Variants in EXTL2 observed in about 807,000 individuals in gnomAD.
The protein encoded by EXTL2 is exostosin-like 2.
In EXTL2, 23 loss-of-function variants were observed where a neutral mutation model predicts 30.7. That is an observed-to-expected ratio of 0.75 (90% CI 0.54 to 1.06). EXTL2 has a LOEUF of 1.06. EXTL2 is among the 50% of genes least tolerant of loss of function. The probability of loss-of-function intolerance (pLI) is 0.00; values close to 1 mark genes in which losing one functional copy is unlikely to be tolerated. For missense variants in EXTL2, 352 were observed against 396.3 expected, an observed-to-expected ratio of 0.89 and a Z score of 0.95; for synonymous variants, 123 against 133.8, an observed-to-expected ratio of 0.92 and a Z score of 0.56.
At chr1:100,878,231 C>T (rs1250287230) in intron 2 of EXTL2, among the ~76,000 whole-genome samples, 1 of 149,762 alleles carries the variant, frequency 6.7e-6, no homozygotes, top group Non-Finnish European at 1.5e-5. Flanking sequence ...ATTTTATTTC[C>T]CTTAGTAATA....
rs969324744 is a variant in EXTL2 at position 100,872,530 on chromosome 1, T to A, written c.*1412A>T. ...TTCTTTGTTTTTGTTTTTTACAATCTGACTGCATTAAGACACATATACTCT... is the reference window on the plus strand; with the variant it reads ...TTCTTTGTTTTTGTTTTTTACAATCAGACTGCATTAAGACACATATACTCT... On this transcript the variant is annotated 3_prime_UTR_variant, in exon 5 of 5. Transcript: ENST00000370114. 1 of 152,428 alleles carries A rather than the reference T, an allele frequency of 6.6e-6. No individual in the cohort carries two copies. The highest frequency in any genetic ancestry group is 2.4e-5 in the African/African-American group (1 of 41,418). The allele number at this position is 152,428 out of a possible 1,614,324, so 9.4% of individuals were successfully genotyped here. A position where few individuals can be genotyped will look rare whatever the true frequency, so the allele number is the denominator to read the frequency against.
At chr1:100,882,108 C>A (rs1373619903) in intron 2 of EXTL2, among the ~76,000 whole-genome samples, 1 of 152,224 alleles carries the variant, frequency 6.6e-6, no homozygotes, top group East Asian at 1.9e-4. Flanking sequence ...CCCCACCACC[C>A]ATCCATGGAA....
rs967515136 is a variant in EXTL2, at chr1:100,881,053, T to G, written c.6-3150A>C. 9.8e-5 allele frequency: 96 copies of G among 983,784 alleles called. No homozygotes were observed. The highest frequency in any genetic ancestry group is 1.2e-4 in the Non-Finnish European group (96 of 828,548). 60.9% of individuals were successfully genotyped at this position (983,784 alleles called of 1,614,324 possible). ...TAGCTCCTAATCCCCCAATTTTACC[T>G]GTATCAGAAAGGTTTCAGGAGATAT... On this transcript the variant is annotated intron_variant, in intron 2 of 4. Transcript: ENST00000370114.
chr1:100,888,731 G>A, intron 2 of EXTL2, 22 bp downstream of exon 2: 1 of 1,448,070 alleles, frequency 6.9e-7, no homozygotes, highest in South Asian at 1.2e-5. Context: ...TTAAACAAAA[G>A]CCAAAAAATA....
At chr1:100,884,361 A>AG (rs1376832668) in intron 2 of EXTL2, among the ~76,000 whole-genome samples, 1 of 152,204 alleles carries the variant, frequency 6.6e-6, no homozygotes, top group Non-Finnish European at 1.5e-5. Flanking sequence ...TGCTCAGAAA[A>AG]GGGGCCTCAG....
intron 2 of EXTL2, chr1:100,878,347 T>G: frequency 2.2e-6 from 1 of 459,938 alleles, no homozygotes; most frequent in Non-Finnish European, 4.5e-6. Context: ...GGTGTATTAC[T>G]TACCAGCCCT....
intron 2 of EXTL2, among the ~76,000 whole-genome samples, chr1:100,879,148 G>A (rs780958492): frequency 6.6e-6 from 1 of 152,078 alleles, no homozygotes; most frequent in Non-Finnish European, 1.5e-5. Context: ...CTTATTCCCT[G>A]GATTCCAATA....
rs1483782782 is a variant in EXTL2, at chr1:100,877,483, T to C, written c.426A>G (p.Glu142=). ...RNRLQVFPEL[E]TNAVLMVDDD... is the part of the protein sequence containing the mutation. ...AACTACACTGCAACTCACCATTGGT[T>C]TCCAGTTCAGGAAAGACCTGGAGTC... Residue 142 remains glutamate (E), a synonymous_variant, in exon 3 of 5, where the codon GAA becomes GAG. Transcript: ENST00000370114. The surrounding 1 kb of genome is among the most constrained non-coding windows in gnomAD (Gnocchi z 4.1). 3 of 1,590,036 alleles carry C rather than the reference T, an allele frequency of 1.9e-6. No homozygotes were observed. The African/African-American group carries it at 4.0e-5, about 21-fold the overall frequency.
At chr1:100,881,090 G>A in intron 2 of EXTL2, 1 of 924,154 alleles carries the variant, frequency 1.1e-6, no homozygotes, top group Non-Finnish European at 1.3e-6. Flanking sequence ...AATAATTTAT[G>A]TCTTTAGAAA....
chr1:100,876,574 C>T (rs1473098624), intron 4 of EXTL2, among the ~76,000 whole-genome samples: 3 of 152,020 alleles, frequency 2.0e-5, no homozygotes, highest in Non-Finnish European at 1.5e-5. Flanking sequence ...TTCCCCAATA[C>T]ACCAAAATAT....
chr1:100,880,546 T>C (rs1649469750), intron 2 of EXTL2, among the ~76,000 whole-genome samples: 1 of 152,242 alleles, frequency 6.6e-6, no homozygotes, highest in African/African-American at 2.4e-5. Flanking sequence ...TAGTGTACCA[T>C]GTTTTCATTT....
chr1:100,891,651 G>A (rs1167738926), intron 1 of EXTL2, among the ~76,000 whole-genome samples: 6 of 152,158 alleles, frequency 3.9e-5, no homozygotes, highest in Non-Finnish European at 8.8e-5. Flanking sequence ...TATCAGAAAT[G>A]CAAAAACCTG....
At chr1:100,874,610 T>C (rs1648957847) in intron 4 of EXTL2, among the ~76,000 whole-genome samples, 180 bp from the exon 5 acceptor site, 1 of 152,066 alleles carries the variant, frequency 6.6e-6, no homozygotes, top group South Asian at 2.1e-4. Flanking sequence ...TTCTGATATG[T>C]TTACAGGTCA....
intron 1 of EXTL2, among the ~76,000 whole-genome samples, chr1:100,893,847 G>A (rs1174102204): frequency 6.6e-6 from 1 of 152,102 alleles, no homozygotes; most frequent in Non-Finnish European, 1.5e-5. Context: ...GAAAGGAGAA[G>A]GTCCTCATGG....
rs761808317 is a variant in EXTL2, at chr1:100,873,906, A to T, written c.*36T>A. 28 of 1,523,378 alleles carry T rather than the reference A, an allele frequency of 1.8e-5. No individual in the cohort carries two copies. The highest frequency in any genetic ancestry group is 2.4e-5 in the Non-Finnish European group (27 of 1,140,758). 94.4% of individuals were successfully genotyped at this position (1,523,378 alleles called of 1,614,324 possible). A position where few individuals can be genotyped will look rare whatever the true frequency, so the allele number is the denominator to read the frequency against. Reference sequence around the variant, plus strand: ...AGCATGGAGAAGCTACTCAAATGCCAAGCAGTTTTCAGGTTTGTTTTTGTT... The same window carrying T: ...AGCATGGAGAAGCTACTCAAATGCCTAGCAGTTTTCAGGTTTGTTTTTGTT... On this transcript the variant is annotated 3_prime_UTR_variant, in exon 5 of 5. Coordinates refer to ENST00000370114, the MANE Select transcript of EXTL2 (RefSeq NM_001033025.3).
rs1649227970 is a variant in EXTL2, at chr1:100,877,618, C to T, written c.291G>A (p.Val97=). ...CCTTCTCTCCAATATTGTTCCATAC[C>T]ACAATCACTTTGTGCAGATTTGGTA... ...QAVPNLHKVI[V]VWNNIGEKAP... The change falls in exon 3 of 5, where the codon GTG becomes GTA. Residue 97 remains valine, a synonymous_variant. Transcript: ENST00000370114. The surrounding 1 kb of genome is among the most constrained non-coding windows in gnomAD (Gnocchi z 4.1). 6.2e-7 allele frequency: 1 copy of T among 1,613,560 alleles called. No individual in the cohort carries two copies. Among genetic ancestry groups the T allele is most frequent in the Non-Finnish European group, 8.5e-7 (1 of 1,179,666 alleles).
chr1:100,889,806 C>T (rs999854922), intron 1 of EXTL2, among the ~76,000 whole-genome samples: 6 of 152,218 alleles, frequency 3.9e-5, no homozygotes, highest in African/African-American at 1.4e-4. Flanking sequence ...CTCTCAGAGT[C>T]TTGGGAAGCT....
At position 100,877,228 on chromosome 1, in the gene EXTL2, C is replaced by A. The variant is rs1242600953; in HGVS notation, c.433+248G>T. On this transcript the variant is annotated intron_variant, in intron 3 of 4. Transcript: ENST00000370114. This position sits in a 1 kb window ranked among gnomAD's most constrained non-coding sequence, Gnocchi z 4.1. The stretch of plus-strand genomic sequence containing the variant: ...ATATTAAGCATAAGCTAAATGGCAT[C>A]TTACTATCAACTGTAATGCAATCAT... 6.6e-6 allele frequency among the ~76,000 whole-genome samples: 1 copy of A among 152,062 alleles called. No individual in the cohort carries two copies. The highest frequency in any genetic ancestry group is 2.4e-5 in the African/African-American group (1 of 41,420).
At chr1:100,889,459 A>G (rs1382563069) in intron 1 of EXTL2, among the ~76,000 whole-genome samples, 1 of 152,142 alleles carries the variant, frequency 6.6e-6, no homozygotes. Flanking sequence ...TCATTTCAAA[A>G]CACAATCATG....
Sources: allele counts gnomAD v4.1 joint callset (sites outside exome capture counted in the v4.1 genomes callset), GRCh38; gene constraint gnomAD v4.1.1; non-coding constraint Gnocchi (gnomAD v3.1); transcripts MANE v1.5; gene names NCBI Gene and HGNC (gene_info 2026-07-23, HGNC 2026-07-21).